HSPG2: variants seen among roughly 807,000 people sequenced by gnomAD.
The protein encoded by HSPG2 is heparan sulfate proteoglycan 2, also known as basement membrane-specific heparan sulfate proteoglycan core protein.
A neutral mutation model predicts 526.6 loss-of-function variants in HSPG2; 278 were observed. The ratio of observed to expected loss-of-function variants is 0.53; its 90% CI spans 0.48 to 0.58. HSPG2 has a LOEUF of 0.58. Among genes scored for constraint, HSPG2 ranks in the 20% least tolerant of loss-of-function variants. The probability of loss-of-function intolerance (pLI) is 0.00; values close to 1 mark genes in which losing one functional copy is unlikely to be tolerated. For missense variants in HSPG2, 5,354 were observed against 6,099.5 expected (o/e 0.88, Z 4.07); for synonymous variants, 2,465 against 2,555.4 (o/e 0.96, Z 1.07).
At chr1:21,936,722 T>G (rs1445118034) in intron 1 of HSPG2, among the ~76,000 whole-genome samples, 2 of 152,204 alleles carry the variant, frequency 1.3e-5, no homozygotes, top group Non-Finnish European at 2.9e-5. Flanking sequence ...TGGTAAAGTT[T>G]CAGCGAGACT....
chr1:21,870,187 C>G (rs546122678), intron 33 of HSPG2: 1 of 954,256 alleles, frequency 1.0e-6, no homozygotes, highest in East Asian at 1.2e-4. Flanking sequence ...CTAGGTACAA[C>G]CTGTCCTAGC....
chr1:21,859,951 G>T lies in HSPG2; in HGVS notation c.5066C>A (p.Pro1689His), dbSNP rs1322561405. ...CCGCAGGGAGTGGGAGCCACCTTGG[G>T]GCACTATGCTTCGAGCAGGATGGAC... ...VEVHPARSIV[P>H]QGGSHSLRCQ... Residue 1689 changes from proline (P) to histidine (H), a missense_variant, in exon 41 of 97, where the codon CCC becomes CAC. Physicochemically the swap from Pro to His is moderately conservative, Grantham distance 77. Coordinates refer to ENST00000374695, the MANE Select transcript of HSPG2 (RefSeq NM_005529.7). This position sits in a 1 kb window ranked among gnomAD's most constrained non-coding sequence, Gnocchi z 5.3. 6.2e-7 allele frequency: 1 copy of T among 1,610,878 alleles called. No homozygotes were observed.
Position 21,879,023 on chromosome 1 carries a change from G to A in HSPG2, c.2442C>T (p.Cys814=), listed in dbSNP as rs755955829. Residue 814 remains cysteine (C), a synonymous_variant, in exon 18 of 97, where the codon TGC becomes TGT. Transcript: ENST00000374695. ...GGGAGGCATCGATGTATGGGCAAGG[G>A]CAGGGCCGGCAGGAAGTGGCCGTGG... ...MKATATSCRP[C]PCPYIDASRR... 10 of 1,614,050 alleles carry A rather than the reference G, an allele frequency of 6.2e-6. No individual in the cohort carries two copies. The African/African-American group carries it at 1.2e-4, about 19-fold the overall frequency.
chr1:21,925,083 G>A (rs1644150151), intron 1 of HSPG2, among the ~76,000 whole-genome samples: 1 of 152,232 alleles, frequency 6.6e-6, no homozygotes, highest in African/African-American at 2.4e-5. Context: ...TGGTGACGCT[G>A]AAGGCAGCCT....
intron 69 of HSPG2, 70 bp downstream of exon 69, chr1:21,841,932 T>C: frequency 6.3e-7 from 1 of 1,586,572 alleles, no homozygotes; most frequent in Non-Finnish European, 8.6e-7. Flanking sequence ...GCCCCACCCT[T>C]GCACAGTGGG....
rs749416051 is a variant in HSPG2, at chr1:21,844,203, G to T, written c.8561C>A (p.Ala2854Asp). Residue 2854 changes from alanine (A) to aspartate (D), a missense_variant, in exon 65 of 97, where the codon GCC (alanine) becomes GAC (aspartate). By Grantham distance (126) the Ala-to-Asp change is moderately radical (BLOSUM62 -2). Coordinates refer to ENST00000374695, the MANE Select transcript of HSPG2 (RefSeq NM_005529.7). ...LDLKCVVPGQ[A>D]HAQVTWHKRG... is the part of the protein sequence containing the mutation. ...CTTGTGCCACGTGACCTGGGCGTGG[G>T]CCTGCCCGGGCACCACGCACTTCAG... 5 of 1,613,764 alleles carry T rather than the reference G, an allele frequency of 3.1e-6. No individual in the cohort carries two copies. Among genetic ancestry groups the T allele is most frequent in the Middle Eastern group, 3.3e-4 (2 of 5,994 alleles).
At position 21,841,186 on chromosome 1, in the gene HSPG2, G is replaced by T; in HGVS notation, c.9428C>A (p.Ser3143Tyr). 6.2e-7 allele frequency: 1 copy of T among 1,613,896 alleles called. No individual in the cohort carries two copies. The highest frequency in any genetic ancestry group is 8.5e-7 in the Non-Finnish European group (1 of 1,180,040). The change falls in exon 71 of 97, where the codon TCT (serine) becomes TAT (tyrosine). Residue 3143 changes from serine (S) to tyrosine (Y), a missense_variant. Coordinates refer to ENST00000374695, the MANE Select transcript of HSPG2 (RefSeq NM_005529.7). ...ECVSAGEPRS[S>Y]ARWTRISSTP... ...GCTGCTGATCCGGGTCCAACGAGCA[G>T]AGGAGCGGGGCTCCCCGGCACTGAC...
At position 21,833,255 on chromosome 1, in the gene HSPG2, C is replaced by G; in HGVS notation, c.11095+13G>C. On this transcript the variant is annotated intron_variant, in intron 80 of 96. Transcript: ENST00000374695. ...CAGGCCAGCCCACCCCGCAAATTAA[C>G]CCTCCTGCTCACCATCGGCTGAGTC... 1.2e-6 allele frequency: 2 copies of G among 1,610,130 alleles called. No individual in the cohort carries two copies. The highest frequency in any genetic ancestry group is 8.5e-7 in the Non-Finnish European group (1 of 1,176,420).
chr1:21,851,382 GT>G (rs1230228880), intron 55 of HSPG2, 163 bp downstream of exon 55: 1 of 927,882 alleles, frequency 1.1e-6, no homozygotes, highest in Non-Finnish European at 1.6e-6. Flanking sequence ...TCACACCCAG[GT>G]TAGTCAGTCC....
intron 3 of HSPG2, among the ~76,000 whole-genome samples, chr1:21,894,044 C>T (rs1461214445): frequency 2.6e-5 from 4 of 151,896 alleles, no homozygotes; most frequent in Middle Eastern, 3.4e-3. Context: ...GGACAGGGGA[C>T]ACACACAGAC....
At chr1:21,917,868 C>T (rs537252922) in intron 1 of HSPG2, among the ~76,000 whole-genome samples, 98 of 152,268 alleles carry the variant, frequency 6.4e-4, no homozygotes, top group Middle Eastern at 3.4e-3. Context: ...GAGATTCAGT[C>T]TTAATTATAA....
chr1:21,876,103 A>G, intron 23 of HSPG2, 61 bp from the exon 24 acceptor site: 1 of 1,596,602 alleles, frequency 6.3e-7, no homozygotes, highest in Non-Finnish European at 8.6e-7. Context: ...TCACTGCTCC[A>G]GCCACCTTTT....
At chr1:21,857,850 T>G (rs1359036792) in intron 42 of HSPG2, among the ~76,000 whole-genome samples, 1 of 152,116 alleles carries the variant, frequency 6.6e-6, no homozygotes, top group Non-Finnish European at 1.5e-5. Context: ...TCCCAGCCTC[T>G]CAAATCTACC....
At position 21,905,236 on chromosome 1, in the gene HSPG2, TAC is replaced by T. The variant is rs1255945079; in HGVS notation, c.64-8928_64-8927del. On this transcript the variant is annotated intron_variant, in intron 1 of 96. Transcript: ENST00000374695. ...TCAACCAGGTTCTATGTAATCTGTCTACACACACACCCACCCACACACACCCA... is the reference window on the plus strand; with the variant it reads ...TCAACCAGGTTCTATGTAATCTGTCTACACACACCCACCCACACACACCCA... Among the ~76,000 whole-genome samples the T allele has an allele frequency of 1.6e-4, 23 of 142,142 alleles. No homozygotes were observed. The East Asian group carries it at 4.7e-3, about 29-fold the overall frequency. The allele number at this position is 142,142 out of a possible 152,430, so 93.3% of individuals were successfully genotyped here.
chr1:21,833,840 G>A lies in HSPG2; in HGVS notation c.10806C>T (p.Pro3602=), dbSNP rs367610252. ...AVFPCIASGY[P]TPDISWSKLD... is the part of the protein sequence containing the mutation. ...CCTTGCTCCAGCTGATGTCAGGAGT[G>A]GGGTAGCCTGAGGCTATGCAGGGGA... The change falls in exon 78 of 97, where the codon CCC becomes CCT. Residue 3602 remains proline (P), a synonymous_variant. Coordinates refer to ENST00000374695, the MANE Select transcript of HSPG2 (RefSeq NM_005529.7). 1.9e-6 allele frequency: 3 copies of A among 1,602,030 alleles called. No homozygotes were observed. The highest frequency in any genetic ancestry group is 2.3e-5 in the East Asian group (1 of 44,330).
chr1:21,870,604 GC>G lies in HSPG2; in HGVS notation c.4221+1581del, dbSNP rs1382698028. On this transcript the variant is annotated intron_variant, in intron 33 of 96. Transcript: ENST00000374695. Reference sequence around the variant, plus strand: ...GGTTAGTCTCCTTGCTACCTCAGTTGCCATTCTGACTTCAGACAGTTGGCAC... The same window carrying G: ...GGTTAGTCTCCTTGCTACCTCAGTTGCATTCTGACTTCAGACAGTTGGCAC... 2.0e-5 allele frequency among the ~76,000 whole-genome samples: 3 copies of G among 152,206 alleles called. No individual in the cohort carries two copies. In the East Asian group the frequency reaches 5.8e-4, roughly 29 times the overall value.
intron 6 of HSPG2, chr1:21,888,642 G>A: frequency 7.4e-7 from 1 of 1,359,260 alleles, no homozygotes; most frequent in African/African-American, 1.5e-5. Context: ...AACCTGGCTG[G>A]GCCTCGGCCT....
rs748263244 is a variant in HSPG2 at position 21,843,400 on chromosome 1, C to T, written c.8655G>A (p.Pro2885=). Residue 2885 remains proline, a synonymous_variant, in exon 66 of 97, where the codon CCG becomes CCA. Transcript: ENST00000374695. ...GGCACGAGTACTCGCCAGAGTCAGC[C>T]GGGGACACCTGGTTCAGCCTCAGCA... ...GPLLRLNQVS[P]ADSGEYSCQV... 1.5e-5 allele frequency: 24 copies of T among 1,613,650 alleles called. No homozygotes were observed. The highest frequency in any genetic ancestry group is 6.7e-5 in the African/African-American group (5 of 74,890).
chr1:21,913,574 G>A (rs932106803), intron 1 of HSPG2, among the ~76,000 whole-genome samples: 3 of 152,192 alleles, frequency 2.0e-5, no homozygotes, highest in Non-Finnish European at 4.4e-5. Context: ...CAGGCCTTAG[G>A]TTAGCTGCTG....
Sources: allele counts gnomAD v4.1 joint callset (sites outside exome capture counted in the v4.1 genomes callset), GRCh38; gene constraint gnomAD v4.1.1; non-coding constraint Gnocchi (gnomAD v3.1); transcripts MANE v1.5; gene names NCBI Gene and HGNC (gene_info 2026-07-23, HGNC 2026-07-21).